Variants in LRRC49 observed in about 807,000 individuals in gnomAD.
LRRC49 encodes the protein leucine-rich repeat-containing protein 49.
LRRC49 carries 50 observed loss-of-function variants against 83.3 expected under a neutral mutation model. The observed-to-expected ratio is 0.60, with a 90% CI of 0.48 to 0.76. The LOEUF is 0.76. Among genes scored for constraint, LRRC49 ranks in the 30% least tolerant of loss-of-function variants. LRRC49 has a pLI of 0.00. For synonymous variants in LRRC49, 286 were observed against 283.3 expected (o/e 1.01, Z -0.10); for missense variants, 704 against 809.1 (o/e 0.87, Z 1.58).
chr15:70,889,742 AAC>A (rs970374874), upstream of LRRC49, among the ~76,000 whole-genome samples: 13 of 152,330 alleles, frequency 8.5e-5, no homozygotes, highest in East Asian at 2.5e-3. Flanking sequence ...AAGCACCCAG[AAC>A]AGTGTCTACA....
At chr15:70,894,434 AC>A (rs2033738797) in intron 2 of LRRC49, 1 of 339,320 alleles carries the variant, frequency 2.9e-6, no homozygotes, top group South Asian at 2.4e-5. Context: ...TTTAGAAGTT[AC>A]GATATGAATA....
chr15:71,049,759 C>A lies in LRRC49; in HGVS notation c.*147C>A. 7.0e-6 allele frequency: 4 copies of A among 571,660 alleles called. No homozygotes were observed. Among genetic ancestry groups the A allele is most frequent in the Non-Finnish European group, 1.2e-5 (4 of 331,556 alleles). 35.4% of individuals were successfully genotyped at this position (571,660 alleles called of 1,614,324 possible). A position where few individuals can be genotyped will look rare whatever the true frequency, so the allele number is the denominator to read the frequency against. On this transcript the variant is annotated 3_prime_UTR_variant, in exon 16 of 16. Transcript: ENST00000260382. Reference sequence around the variant, plus strand: ...GCATTATTGCCCACTGTTCTCATAGCTAAAAGTTAAGAAGGAAGGAAGGAA... The same window carrying A: ...GCATTATTGCCCACTGTTCTCATAGATAAAAGTTAAGAAGGAAGGAAGGAA...
intron 14 of LRRC49, 74 bp from the exon 15 acceptor site, chr15:71,037,105 A>G (rs754976461): frequency 1.9e-6 from 2 of 1,052,598 alleles, no homozygotes; most frequent in Non-Finnish European, 2.8e-6. Context: ...TCTCCTCTAA[A>G]GTCAACAAAA....
chr15:70,953,610 T>C (rs1432620152), intron 8 of LRRC49, among the ~76,000 whole-genome samples: 3 of 152,186 alleles, frequency 2.0e-5, no homozygotes, highest in Non-Finnish European at 2.9e-5. Flanking sequence ...GATGATCATC[T>C]TGCATAGTAT....
intron 11 of LRRC49, among the ~76,000 whole-genome samples, chr15:70,992,593 G>T (rs995502133): frequency 6.6e-6 from 1 of 152,216 alleles, no homozygotes. Flanking sequence ...TGTTTGCCCA[G>T]GTATCAGCAG....
At chr15:70,883,999 A>C (rs2033336647) in intron 2 of LRRC49, among the ~76,000 whole-genome samples, 1 of 152,080 alleles carries the variant, frequency 6.6e-6, no homozygotes, top group Non-Finnish European at 1.5e-5. Context: ...TGAGAGGTAG[A>C]AAGAAGGAGG....
At chr15:70,977,038 C>A (rs569285614) in intron 9 of LRRC49, among the ~76,000 whole-genome samples, 7 of 152,060 alleles carry the variant, frequency 4.6e-5, no homozygotes, top group African/African-American at 1.7e-4. Context: ...GAAATCATCT[C>A]GTAAGTATGT....
At chr15:71,007,711 A>C (rs1279239295) in intron 11 of LRRC49, among the ~76,000 whole-genome samples, 1 of 376 alleles carries the variant, frequency 2.7e-3, no homozygotes, top group South Asian at 0.031. Flanking sequence ...AGAAGCATGT[A>C]TATATATATA....
In LRRC49 at chr15:70,911,612, CT is replaced by C; in HGVS notation, c.567+17del. The stretch of plus-strand genomic sequence containing the variant: ...CATGGAAATCAGGTATTGTAAAGCC[CT>C]TTCATTTCTTTCTTTTTTGAAAAAA... On this transcript the variant is annotated intron_variant, in intron 6 of 15. Coordinates refer to ENST00000260382, the MANE Select transcript of LRRC49 (RefSeq NM_017691.5). 2 of 1,446,780 alleles carry C rather than the reference CT, an allele frequency of 1.4e-6. No homozygotes were observed. The highest frequency in any genetic ancestry group is 1.5e-5 in the African/African-American group (1 of 68,640). 89.6% of individuals were successfully genotyped at this position (1,446,780 alleles called of 1,614,324 possible). A position where few individuals can be genotyped will look rare whatever the true frequency, so the allele number is the denominator to read the frequency against.
intron 4 of LRRC49, among the ~76,000 whole-genome samples, chr15:70,904,186 G>A (rs1434344173): frequency 6.6e-6 from 1 of 152,110 alleles, no homozygotes; most frequent in Non-Finnish European, 1.5e-5. Context: ...TTGATGCCAA[G>A]GGCATTTGTC....
chr15:70,986,231 G>GTA (rs1414529925), intron 11 of LRRC49, among the ~76,000 whole-genome samples: 2 of 152,064 alleles, frequency 1.3e-5, no homozygotes, highest in Non-Finnish European at 2.9e-5. Context: ...GAGCAGTATG[G>GTA]CCATTTTCAT....
intron 15 of LRRC49, among the ~76,000 whole-genome samples, chr15:71,040,541 C>T (rs755099390): frequency 1.2e-4 from 19 of 152,050 alleles, no homozygotes; most frequent in Non-Finnish European, 2.1e-4. Flanking sequence ...TTCAAGCGGC[C>T]GGGCGCGGTG....
At position 70,893,583 on chromosome 15, in the gene LRRC49, G is replaced by C. The variant is rs1180148336; in HGVS notation, c.49-1G>C. 6.2e-7 allele frequency: 1 copy of C among 1,603,446 alleles called. No individual in the cohort carries two copies. Among genetic ancestry groups the C allele is most frequent in the Non-Finnish European group, 8.5e-7 (1 of 1,173,694 alleles). ...TTTATGGTTTAATTTTTACATTTCA[G>C]GTGAACTGCGGGCTTCATCTGGTTA... On this transcript the variant is annotated splice_acceptor_variant, in intron 1 of 15. Coordinates refer to ENST00000260382, the MANE Select transcript of LRRC49 (RefSeq NM_017691.5). LOFTEE classifies it high-confidence loss of function.
Position 70,895,275 on chromosome 15 carries a change from T to A in LRRC49, c.106-574T>A, listed in dbSNP as rs560731649. 2.6e-4 allele frequency among the ~76,000 whole-genome samples: 39 copies of A among 152,280 alleles called. 1 individual carries two copies. In the South Asian group the frequency reaches 7.7e-3, roughly 30 times the overall value. ...TATTTTAGATCAGTTTTAGATCAAGTGAAAACCTTTCTTAGAAGGCTTAAA... is the reference window on the plus strand; with the variant it reads ...TATTTTAGATCAGTTTTAGATCAAGAGAAAACCTTTCTTAGAAGGCTTAAA... On this transcript the variant is annotated intron_variant, in intron 2 of 15. Transcript: ENST00000260382.
At chr15:71,037,545 G>A (rs1040601686) in intron 15 of LRRC49, among the ~76,000 whole-genome samples, 4 of 151,734 alleles carry the variant, frequency 2.6e-5, no homozygotes, top group Admixed American at 6.6e-5. Context: ...TTTCAGTATC[G>A]TTATTTCAGC....
chr15:70,905,485 A>T (rs1247377594), intron 5 of LRRC49, among the ~76,000 whole-genome samples: 6 of 152,086 alleles, frequency 3.9e-5, no homozygotes, highest in Non-Finnish European at 8.8e-5. Flanking sequence ...TTGCAGGAAA[A>T]AAAAGTATTA....
At chr15:71,031,197 C>T (rs140239358) in intron 14 of LRRC49, among the ~76,000 whole-genome samples, 2 of 152,078 alleles carry the variant, frequency 1.3e-5, no homozygotes, top group Non-Finnish European at 2.9e-5. Context: ...GTGTGGGGAT[C>T]CTTTATGTTG....
chr15:70,888,085 A>G (rs140661435), upstream of LRRC49, among the ~76,000 whole-genome samples: 196 of 152,304 alleles, frequency 1.3e-3, 4 homozygotes, highest in East Asian at 0.036. Context: ...AGAAGAGTCA[A>G]TATTGTCAAT....
chr15:70,873,241 G>C, intron 2 of LRRC49: 1 of 1,535,820 alleles, frequency 6.5e-7, no homozygotes, highest in Non-Finnish European at 8.7e-7. Flanking sequence ...TACACTTTCA[G>C]TTGACATAAT....
Sources: allele counts gnomAD v4.1 joint callset (sites outside exome capture counted in the v4.1 genomes callset), GRCh38; gene constraint gnomAD v4.1.1; transcripts MANE v1.5; gene names NCBI Gene and HGNC (gene_info 2026-07-23, HGNC 2026-07-21).